Variants in DZIP1L observed in about 807,000 individuals in gnomAD.
The protein encoded by DZIP1L is cilium assembly protein DZIP1L.
DZIP1L carries 90 observed loss-of-function variants against 88.7 expected under a neutral mutation model. The ratio of observed to expected loss-of-function variants is 1.02; its 90% CI spans 0.86 to 1.21. The LOEUF is 1.21. Among genes scored for constraint, DZIP1L ranks in the 50% most tolerant of loss-of-function variants. The probability of loss-of-function intolerance (pLI) is 0.00; values close to 1 mark genes in which losing one functional copy is unlikely to be tolerated. For missense variants in DZIP1L, 932 were observed against 955.8 expected, an observed-to-expected ratio of 0.98 and a Z score of 0.33; for synonymous variants, 363 against 372.1, an observed-to-expected ratio of 0.98 and a Z score of 0.28.
intron 1 of DZIP1L, among the ~76,000 whole-genome samples, chr3:138,104,339 T>C (rs893908366): frequency 6.6e-6 from 1 of 152,226 alleles, no homozygotes; most frequent in African/African-American, 2.4e-5. Context: ...TGGTGAGGAA[T>C]GAGGCAAGTG....
At chr3:138,107,674 T>C (rs779153871) in intron 1 of DZIP1L, among the ~76,000 whole-genome samples, 2 of 152,178 alleles carry the variant, frequency 1.3e-5, no homozygotes, top group Non-Finnish European at 2.9e-5. Context: ...GATCAGATTA[T>C]CATCCTTTAT....
Position 138,066,433 on chromosome 3 carries a change from A to G in DZIP1L, c.2002+1098T>C, listed in dbSNP as rs567562883. 7.9e-4 allele frequency among the ~76,000 whole-genome samples: 120 copies of G among 151,822 alleles called. 1 individual carries two copies. The highest frequency in any genetic ancestry group is 2.8e-3 in the African/African-American group (115 of 41,154). On this transcript the variant is annotated intron_variant, in intron 14 of 15. Transcript: ENST00000327532. ...GCTAAAGGCAGCTCTTTCTGGGGGG[A>G]AAAATGGTTTACAAGTAAATAAATA... is the stretch of plus-strand genomic sequence containing the variant.
intron 11 of DZIP1L, among the ~76,000 whole-genome samples, chr3:138,075,184 T>C (rs1324439362): frequency 6.6e-6 from 1 of 152,160 alleles, no homozygotes; most frequent in Non-Finnish European, 1.5e-5. Context: ...AGAAATGAGA[T>C]AGACAGCAAC....
intron 10 of DZIP1L, among the ~76,000 whole-genome samples, chr3:138,079,355 C>A (rs1171339770): frequency 2.0e-5 from 3 of 152,196 alleles, no homozygotes; most frequent in African/African-American, 7.2e-5. Flanking sequence ...GTTAAATGCA[C>A]TGGGAGGGTA....
Position 138,112,094 on chromosome 3 carries a change from T to C in DZIP1L, c.-82+3234A>G, listed in dbSNP as rs140496570. Among the ~76,000 whole-genome samples the C allele has an allele frequency of 3.2e-3, 484 of 152,034 alleles. 3 individuals carry two copies. The highest frequency in any genetic ancestry group is 5.2e-3 in the Non-Finnish European group (351 of 67,978). ...TATAATAGGTAATATTTATCAAACA[T>C]CTATATGTCAGGCACTGTGCCTGCC... On this transcript the variant is annotated intron_variant, in intron 1 of 15. Transcript: ENST00000327532.
Position 138,062,948 on chromosome 3 carries a change from G to C in DZIP1L, c.2172C>G (p.Ile724Met). The C allele has an allele frequency of 6.2e-7, 1 of 1,614,162 alleles. No individual in the cohort carries two copies. Among genetic ancestry groups the C allele is most frequent in the Non-Finnish European group, 8.5e-7 (1 of 1,180,040 alleles). Residue 724 changes from isoleucine (I) to methionine (M), a missense_variant, in exon 16 of 16, where the codon ATC (isoleucine) becomes ATG (methionine). By Grantham distance (10) the Ile-to-Met change is conservative. Transcript: ENST00000327532. ...CCAGAGGAAGATCTTCCAAGGAGGA[G>C]ATCTCCAAGTCACTCTCATCTTCAG... ...QLSEDESDLE[I>M]SSLEDLPLDL...
rs2042353268 is a variant in DZIP1L, at chr3:138,102,558, C to T, written c.501+913G>A. 3 of 1,420,614 alleles carry T rather than the reference C, an allele frequency of 2.1e-6. No individual in the cohort carries two copies. In the East Asian group the frequency reaches 6.8e-5, roughly 32 times the overall value. 88.0% of individuals were successfully genotyped at this position (1,420,614 alleles called of 1,614,324 possible). A position where few individuals can be genotyped will look rare whatever the true frequency, so the allele number is the denominator to read the frequency against. On this transcript the variant is annotated intron_variant, in intron 2 of 15. Coordinates refer to ENST00000327532, the MANE Select transcript of DZIP1L (RefSeq NM_173543.3). ...GCTGCTGCAGGAGGCTCCAGTTGGT[C>T]TCCAGCATCTTGTTCTGCTGCTCCA...
At chr3:138,102,842 T>C in intron 2 of DZIP1L, 1 of 704,230 alleles carries the variant, frequency 1.4e-6, no homozygotes, top group South Asian at 1.5e-5. Flanking sequence ...GGCCCACTCA[T>C]GTAGAAGCAG....
At chr3:138,115,101 C>G (rs1236616175) in intron 1 of DZIP1L, among the ~76,000 whole-genome samples, 1 of 152,080 alleles carries the variant, frequency 6.6e-6, no homozygotes, top group Admixed American at 6.5e-5. Flanking sequence ...CGGAGCAGGC[C>G]GAGGGGGCCG....
chr3:138,098,271 C>T (rs934697473), intron 2 of DZIP1L, among the ~76,000 whole-genome samples: 3 of 152,144 alleles, frequency 2.0e-5, no homozygotes, highest in African/African-American at 7.2e-5. Context: ...AACAACACTG[C>T]CCATGGGTTG....
At position 138,063,521 on chromosome 3, in the gene DZIP1L, G is replaced by C. The variant is rs1428250023; in HGVS notation, c.2143-544C>G. ...CAGCTCAGAGTCAGCCAAGGGACCA[G>C]GCCACCCCCTGACCACAGCCACCTG... On this transcript the variant is annotated intron_variant, in intron 15 of 15. Coordinates refer to ENST00000327532, the MANE Select transcript of DZIP1L (RefSeq NM_173543.3). The surrounding 1 kb of genome is among the most constrained non-coding windows in gnomAD (Gnocchi z 4.1). Among the ~76,000 whole-genome samples, 2 of 152,202 alleles carry C rather than the reference G, an allele frequency of 1.3e-5. No individual in the cohort carries two copies.
intron 7 of DZIP1L, among the ~76,000 whole-genome samples, chr3:138,085,925 C>T (rs1481125372): frequency 1.3e-5 from 2 of 152,042 alleles, no homozygotes; most frequent in African/African-American, 2.4e-5. Context: ...TACTATGCAG[C>T]CATAAAAAAG....
At chr3:138,069,444 T>C (rs551156635) in intron 12 of DZIP1L, among the ~76,000 whole-genome samples, 1 of 151,990 alleles carries the variant, frequency 6.6e-6, no homozygotes, top group Non-Finnish European at 1.5e-5. Flanking sequence ...GCATGGGGGG[T>C]TTGCGCCCCT....
At chr3:138,109,180 AC>A (rs1257152254) in intron 1 of DZIP1L, among the ~76,000 whole-genome samples, 3 of 152,186 alleles carry the variant, frequency 2.0e-5, no homozygotes, top group African/African-American at 7.2e-5. Flanking sequence ...TCTCCCATTT[AC>A]CATATTACTT....
At chr3:138,100,630 A>G (rs2042273093) in intron 2 of DZIP1L, among the ~76,000 whole-genome samples, 1 of 152,218 alleles carries the variant, frequency 6.6e-6, no homozygotes, top group African/African-American at 2.4e-5. Flanking sequence ...TAGTGTCAGA[A>G]TTGAATTGAA....
At chr3:138,108,690 G>T (rs1373109049) in intron 1 of DZIP1L, among the ~76,000 whole-genome samples, 2 of 152,094 alleles carry the variant, frequency 1.3e-5, no homozygotes, top group African/African-American at 4.8e-5. Context: ...TCGGTCTCTT[G>T]TGATCTTATA....
chr3:138,097,424 G>A (rs1295144720), intron 3 of DZIP1L, among the ~76,000 whole-genome samples: 1 of 152,198 alleles, frequency 6.6e-6, no homozygotes, highest in Non-Finnish European at 1.5e-5. Flanking sequence ...TGGAAGGTAA[G>A]AGCCCTTCAA....
At chr3:138,095,573 G>T (rs1944433425) in intron 3 of DZIP1L, among the ~76,000 whole-genome samples, 1 of 152,182 alleles carries the variant, frequency 6.6e-6, no homozygotes, top group Admixed American at 6.5e-5. Context: ...TAGGTCAGGA[G>T]TTCGAGACCA....
chr3:138,064,563 C>A (rs777957980), intron 15 of DZIP1L, 65 bp downstream of exon 15: 2 of 1,613,700 alleles, frequency 1.2e-6, no homozygotes, highest in Non-Finnish European at 8.5e-7. Context: ...CACCCCAGGC[C>A]CCCCAAACTC....
Sources: allele counts gnomAD v4.1 joint callset (sites outside exome capture counted in the v4.1 genomes callset), GRCh38; gene constraint gnomAD v4.1.1; non-coding constraint Gnocchi (gnomAD v3.1); transcripts MANE v1.5; gene names NCBI Gene and HGNC (gene_info 2026-07-23, HGNC 2026-07-21).